CCDC170: variants seen among roughly 807,000 people sequenced by gnomAD.
CCDC170 encodes the protein coiled-coil domain containing 170, also known as coiled-coil domain-containing protein 170.
CCDC170 carries 69 observed loss-of-function variants against 72.6 expected under a neutral mutation model. That is an observed-to-expected ratio of 0.95 (90% CI 0.78 to 1.16). The LOEUF is 1.16. CCDC170 is among the 50% of genes most tolerant of loss of function. CCDC170 has a pLI of 0.00. For synonymous variants in CCDC170, 300 were observed against 303.9 expected (o/e 0.99, Z 0.13); for missense variants, 852 against 832.5 (o/e 1.02, Z -0.29).
rs777892834 is a variant in CCDC170, at chr6:151,615,698, A to G, written c.1947+19A>G. On this transcript the variant is annotated intron_variant, in intron 10 of 10. Coordinates refer to ENST00000239374, the MANE Select transcript of CCDC170 (RefSeq NM_025059.4). Reference sequence around the variant, plus strand: ...AAAGCAGGTGGGTCTAAATCTGGTGATGAAACCTTGTTTAGGAAATGACAG... The same window carrying G: ...AAAGCAGGTGGGTCTAAATCTGGTGGTGAAACCTTGTTTAGGAAATGACAG... The G allele has an allele frequency of 6.5e-7, 1 of 1,528,766 alleles. No individual in the cohort carries two copies. Among genetic ancestry groups the G allele is most frequent in the Non-Finnish European group, 9.0e-7 (1 of 1,106,616 alleles). 94.7% of individuals were successfully genotyped at this position (1,528,766 alleles called of 1,614,324 possible). A position where few individuals can be genotyped will look rare whatever the true frequency, so the allele number is the denominator to read the frequency against.
chr6:151,610,259 CTTATAA>C (rs1776849396), intron 9 of CCDC170, among the ~76,000 whole-genome samples: 1 of 152,142 alleles, frequency 6.6e-6, no homozygotes, highest in Non-Finnish European at 1.5e-5. Context: ...GCTTATGTAA[CTTATAA>C]TTATGTATAC....
At chr6:151,578,740 G>T (rs1212346963) in intron 6 of CCDC170, among the ~76,000 whole-genome samples, 1 of 152,188 alleles carries the variant, frequency 6.6e-6, no homozygotes, top group Non-Finnish European at 1.5e-5. Flanking sequence ...AGGAGGATTT[G>T]GTCGACACTT....
intron 1 of CCDC170, among the ~76,000 whole-genome samples, chr6:151,497,074 G>A (rs947981322): frequency 3.9e-5 from 6 of 152,164 alleles, no homozygotes; most frequent in African/African-American, 1.4e-4. Context: ...TCTGTAGGAG[G>A]GACAGAGGAT....
intron 3 of CCDC170, among the ~76,000 whole-genome samples, chr6:151,541,408 G>GA (rs1782688360): frequency 6.6e-6 from 1 of 152,040 alleles, no homozygotes; most frequent in South Asian, 2.1e-4. Flanking sequence ...CAGAGATGGG[G>GA]ATCTCACTAT....
intron 5 of CCDC170, among the ~76,000 whole-genome samples, chr6:151,549,569 C>T (rs967929726): frequency 7.2e-5 from 11 of 152,036 alleles, no homozygotes; most frequent in South Asian, 2.1e-4. Context: ...TCAGAGGCAA[C>T]CTTTCTGTTA....
Position 151,619,259 on chromosome 6 carries a change from C to CTATA in CCDC170, c.*1113_*1116dup, listed in dbSNP as rs1486321154. ...GGAAAGCTTTATTTGGAGCCCAACCCTATAAGATGAAGAAATCCTATATAG... is the reference window on the plus strand; with the variant it reads ...GGAAAGCTTTATTTGGAGCCCAACCCTATATATAAGATGAAGAAATCCTATATAG... On this transcript the variant is annotated 3_prime_UTR_variant, in exon 11 of 11. Coordinates refer to ENST00000239374, the MANE Select transcript of CCDC170 (RefSeq NM_025059.4). The CTATA allele has an allele frequency of 3.3e-5, 5 of 152,056 alleles. No homozygotes were observed. Among genetic ancestry groups the CTATA allele is most frequent in the Non-Finnish European group, 7.4e-5 (5 of 68,024 alleles). 9.4% of individuals were successfully genotyped at this position (152,056 alleles called of 1,614,324 possible). A position where few individuals can be genotyped will look rare whatever the true frequency, so the allele number is the denominator to read the frequency against.
At chr6:151,566,505 T>C (rs1032673699) in intron 5 of CCDC170, among the ~76,000 whole-genome samples, 3 of 152,122 alleles carry the variant, frequency 2.0e-5, no homozygotes, top group Admixed American at 2.0e-4. Context: ...ATTTAAATTC[T>C]ATAAAATGAA....
chr6:151,521,151 T>A (rs1583007612), intron 1 of CCDC170, among the ~76,000 whole-genome samples: 1 of 152,286 alleles, frequency 6.6e-6, no homozygotes. Flanking sequence ...TCTGATTCCT[T>A]CTTACCCTCC....
intron 10 of CCDC170, among the ~76,000 whole-genome samples, chr6:151,617,524 A>T (rs1028273650): frequency 2.1e-5 from 3 of 144,182 alleles, no homozygotes; most frequent in Non-Finnish European, 3.0e-5. Flanking sequence ...CCCCACCAAC[A>T]TTTGTTTAGT....
intron 5 of CCDC170, among the ~76,000 whole-genome samples, chr6:151,552,586 T>G (rs1419722960): frequency 6.6e-6 from 1 of 152,128 alleles, no homozygotes; most frequent in East Asian, 1.9e-4. Flanking sequence ...TGTGTTATAA[T>G]CAATTATTCT....
chr6:151,596,692 C>T, intron 9 of CCDC170, 115 bp downstream of exon 9: 1 of 1,425,184 alleles, frequency 7.0e-7, no homozygotes. Flanking sequence ...AAAGCCTCCT[C>T]TGATTTTCTA....
chr6:151,568,259 T>G, intron 5 of CCDC170, among the ~76,000 whole-genome samples: 1 of 152,136 alleles, frequency 6.6e-6, no homozygotes, highest in East Asian at 1.9e-4. Flanking sequence ...GGTACCAGAA[T>G]GTAAGTTTGA....
intron 5 of CCDC170, among the ~76,000 whole-genome samples, chr6:151,563,390 G>C (rs1239071199): frequency 6.6e-6 from 1 of 152,144 alleles, no homozygotes; most frequent in Non-Finnish European, 1.5e-5. Context: ...TGTTTCCTTT[G>C]TCCCAACAGG....
chr6:151,555,117 C>T (rs7740522), intron 5 of CCDC170, among the ~76,000 whole-genome samples: 68,387 of 151,620 alleles, frequency 0.45, 18,059 homozygotes, highest in Non-Finnish European at 0.6. Flanking sequence ...CTCCTGACCT[C>T]GTGGTCCACC....
At chr6:151,505,633 G>A (rs1782056902) in intron 1 of CCDC170, among the ~76,000 whole-genome samples, 1 of 151,860 alleles carries the variant, frequency 6.6e-6, no homozygotes, top group Non-Finnish European at 1.5e-5. Flanking sequence ...GCAGTGAGCC[G>A]AGATGGCACC....
At chr6:151,564,564 T>C (rs1283330505) in intron 5 of CCDC170, among the ~76,000 whole-genome samples, 1 of 152,158 alleles carries the variant, frequency 6.6e-6, no homozygotes, top group Non-Finnish European at 1.5e-5. Context: ...GGGACAATGC[T>C]TTGGCTCTCA....
In CCDC170 at chr6:151,597,693, G is replaced by A. The variant is rs924561837; in HGVS notation, c.1710+1116G>A. 6.6e-5 allele frequency among the ~76,000 whole-genome samples: 10 copies of A among 152,190 alleles called. No individual in the cohort carries two copies. The East Asian group carries it at 9.6e-4, about 15-fold the overall frequency. On this transcript the variant is annotated intron_variant, in intron 9 of 10. Coordinates refer to ENST00000239374, the MANE Select transcript of CCDC170 (RefSeq NM_025059.4). ...ATATTCAAGGTGTTCAACTTCTAACGAAGGCAGAGCAAAAAGAAATGGAAA... is the reference window on the plus strand; with the variant it reads ...ATATTCAAGGTGTTCAACTTCTAACAAAGGCAGAGCAAAAAGAAATGGAAA...
rs1782910527 is a variant in CCDC170, at chr6:151,553,049, A to G, written c.774+4560A>G. Among the ~76,000 whole-genome samples the G allele has an allele frequency of 2.0e-5, 3 of 152,058 alleles. No individual in the cohort carries two copies. The South Asian group carries it at 6.2e-4, about 31-fold the overall frequency. ...TGATCCACCCACATCGGCCTCCCAA[A>G]GTGCTGGGATTACAGGCATGAGCCA... On this transcript the variant is annotated intron_variant, in intron 5 of 10. Transcript: ENST00000239374.
At chr6:151,523,610 C>T (rs905726338) in intron 1 of CCDC170, among the ~76,000 whole-genome samples, 3 of 151,436 alleles carry the variant, frequency 2.0e-5, no homozygotes, top group Non-Finnish European at 2.9e-5. Flanking sequence ...CTCTTGAACC[C>T]AGGAGGTGGA....
Sources: allele counts gnomAD v4.1 joint callset (sites outside exome capture counted in the v4.1 genomes callset), GRCh38; gene constraint gnomAD v4.1.1; transcripts MANE v1.5; gene names NCBI Gene and HGNC (gene_info 2026-07-23, HGNC 2026-07-21).